VWC2: variants seen among roughly 807,000 people sequenced by gnomAD.
VWC2 encodes brorin.
A neutral mutation model predicts 29.8 loss-of-function variants in VWC2; 14 were observed. The observed-to-expected ratio is 0.47, with a 90% CI of 0.31 to 0.74. VWC2 has a LOEUF of 0.74. Among genes scored for constraint, VWC2 ranks in the 30% least tolerant of loss-of-function variants. The pLI, the probability that VWC2 is intolerant of heterozygous loss-of-function variation, is 0.05. For synonymous variants in VWC2, 213 were observed against 199.0 expected, an observed-to-expected ratio of 1.07 and a Z score of -0.59; for missense variants, 457 against 459.8, an observed-to-expected ratio of 0.99 and a Z score of 0.05.
chr7:49,853,898 T>C (rs1473783208), intron 3 of VWC2, among the ~76,000 whole-genome samples: 1 of 131,002 alleles, frequency 7.6e-6, no homozygotes, highest in Non-Finnish European at 1.5e-5. Flanking sequence ...CGGTGTGTGA[T>C]GTTCCCCTTC....
intron 3 of VWC2, among the ~76,000 whole-genome samples, chr7:49,882,316 TG>T (rs1409874941): frequency 3.3e-5 from 5 of 152,164 alleles, no homozygotes; most frequent in African/African-American, 1.2e-4. Context: ...CACTTTATAA[TG>T]TTAGCACATG....
chr7:49,917,823 G>C lies in VWC2; in HGVS notation c.*5638G>C, dbSNP rs1381051248. The C allele has an allele frequency of 6.6e-6, 1 of 151,778 alleles. No homozygotes were observed. The highest frequency in any genetic ancestry group is 1.9e-4 in the East Asian group (1 of 5,188). The allele number at this position is 151,778 out of a possible 1,614,324, so 9.4% of individuals were successfully genotyped here. On this transcript the variant is annotated 3_prime_UTR_variant, in exon 4 of 4. Transcript: ENST00000340652. ...TGTAATTTATGTTTTAGAAAGAACTGTTTCCAAACACATTTTATGGAAAGA... is the reference window on the plus strand; with the variant it reads ...TGTAATTTATGTTTTAGAAAGAACTCTTTCCAAACACATTTTATGGAAAGA...
At chr7:49,891,680 G>A (rs1020218331) in intron 3 of VWC2, among the ~76,000 whole-genome samples, 2 of 152,120 alleles carry the variant, frequency 1.3e-5, no homozygotes, top group African/African-American at 2.4e-5. Flanking sequence ...TACTGATTCT[G>A]ATGTAATCAC....
At chr7:49,877,476 A>AT (rs2128725589) in intron 3 of VWC2, among the ~76,000 whole-genome samples, 1 of 43,892 alleles carries the variant, frequency 2.3e-5, no homozygotes, top group African/African-American at 1.1e-4. Context: ...AAAAAAAAAA[A>AT]AAAAAATATA....
rs189152145 is a variant in VWC2, at chr7:49,897,238, A to C, written c.827-14796A>C. 6.6e-5 allele frequency among the ~76,000 whole-genome samples: 10 copies of C among 152,322 alleles called. No homozygotes were observed. In the East Asian group the frequency reaches 1.7e-3, roughly 26 times the overall value. ...AAACTCAAACTCAATAGTAATACCA[A>C]ACATTGAAAGAAGAATTAATTAGTA... is the stretch of plus-strand genomic sequence containing the variant. On this transcript the variant is annotated intron_variant, in intron 3 of 3. Coordinates refer to ENST00000340652, the MANE Select transcript of VWC2 (RefSeq NM_198570.5).
intron 2 of VWC2, 72 bp downstream of exon 2, chr7:49,776,203 C>G (rs1032212398): frequency 5.3e-6 from 7 of 1,319,880 alleles, no homozygotes; most frequent in Non-Finnish European, 7.1e-6. Flanking sequence ...GTTCTGTGGT[C>G]CCCCACTTTG....
chr7:49,921,788 C>G lies in VWC2; in HGVS notation c.*9603C>G, dbSNP rs564734460. The G allele has an allele frequency of 2.0e-5, 3 of 152,148 alleles. No homozygotes were observed. The highest frequency in any genetic ancestry group is 7.2e-5 in the African/African-American group (3 of 41,522). 9.4% of individuals were successfully genotyped at this position (152,148 alleles called of 1,614,324 possible). On this transcript the variant is annotated 3_prime_UTR_variant, in exon 4 of 4. Transcript: ENST00000340652. ...TACATTTAACACATATAATTTATAT[C>G]TTAGTTTTTATCCCATTTATATATA...
intron 2 of VWC2, among the ~76,000 whole-genome samples, chr7:49,795,979 G>A (rs1342557599): frequency 6.6e-6 from 1 of 152,084 alleles, no homozygotes; most frequent in East Asian, 1.9e-4. Context: ...AGGAAGGGAG[G>A]GATTGGTAGA....
intron 3 of VWC2, among the ~76,000 whole-genome samples, chr7:49,893,894 T>C (rs1039517392): frequency 3.3e-5 from 5 of 152,138 alleles, no homozygotes; most frequent in African/African-American, 1.2e-4. Context: ...TTTCAGAAAA[T>C]GGAAAAAAAT....
chr7:49,843,631 T>A (rs573382123), intron 3 of VWC2, among the ~76,000 whole-genome samples: 2 of 152,300 alleles, frequency 1.3e-5, no homozygotes, highest in East Asian at 3.9e-4. Flanking sequence ...GTCCACAACG[T>A]AGGTAAAGAT....
At chr7:49,853,980 C>T (rs769923) in intron 3 of VWC2, among the ~76,000 whole-genome samples, 14,539 of 151,340 alleles carry the variant, frequency 0.096, 2,022 homozygotes, top group African/African-American at 0.31. Context: ...TTTTCTGTCC[C>T]TGCGATAGTT....
At chr7:49,806,020 G>A (rs2128706527) in intron 3 of VWC2, among the ~76,000 whole-genome samples, 1 of 152,320 alleles carries the variant, frequency 6.6e-6, no homozygotes, top group African/African-American at 2.4e-5. Flanking sequence ...TCACTTTGTT[G>A]ACTTGTGCAG....
At chr7:49,794,260 C>T (rs546454311) in intron 2 of VWC2, among the ~76,000 whole-genome samples, 2 of 152,182 alleles carry the variant, frequency 1.3e-5, no homozygotes, top group East Asian at 1.9e-4. Context: ...TCATGCAGCT[C>T]GAATGTGCAT....
chr7:49,890,407 CATAT>C (rs1243537663), intron 3 of VWC2, among the ~76,000 whole-genome samples: 1 of 152,142 alleles, frequency 6.6e-6, no homozygotes, highest in Non-Finnish European at 1.5e-5. Context: ...GAAAGGAATG[CATAT>C]ATAAGATTGC....
At position 49,920,850 on chromosome 7, in the gene VWC2, A is replaced by G. The variant is rs1298516519; in HGVS notation, c.*8665A>G. The stretch of plus-strand genomic sequence containing the variant: ...GTGATGCTTTACAAGGTACCTGATG[A>G]ATGTAAAATTATAGCTTTTTGTCTT... On this transcript the variant is annotated 3_prime_UTR_variant, in exon 4 of 4. Coordinates refer to ENST00000340652, the MANE Select transcript of VWC2 (RefSeq NM_198570.5). 2 of 152,228 alleles carry G rather than the reference A, an allele frequency of 1.3e-5. No homozygotes were observed. Among genetic ancestry groups the G allele is most frequent in the Admixed American group, 1.3e-4 (2 of 15,276 alleles). 9.4% of individuals were successfully genotyped at this position (152,228 alleles called of 1,614,324 possible).
intron 3 of VWC2, among the ~76,000 whole-genome samples, chr7:49,873,898 T>C (rs1182556054): frequency 1.0e-5 from 1 of 98,720 alleles, no homozygotes; most frequent in Non-Finnish European, 2.1e-5. Flanking sequence ...TCAAAACATA[T>C]AATTAAGTAA....
intron 3 of VWC2, among the ~76,000 whole-genome samples, chr7:49,849,764 G>C (rs1415038636): frequency 1.3e-5 from 2 of 152,200 alleles, no homozygotes; most frequent in African/African-American, 2.4e-5. Flanking sequence ...TCTGCTCTCT[G>C]AGAGTCTGAC....
chr7:49,920,749 A>T lies in VWC2; in HGVS notation c.*8564A>T, dbSNP rs1793982828. ...TTTGAATTGTTTAAAATAATTTTAA[A>T]TACTTATTCCATAAACTCAGTATTT... On this transcript the variant is annotated 3_prime_UTR_variant, in exon 4 of 4. Transcript: ENST00000340652. 1 of 152,288 alleles carries T rather than the reference A, an allele frequency of 6.6e-6. No homozygotes were observed. Among genetic ancestry groups the T allele is most frequent in the African/African-American group, 2.4e-5 (1 of 41,552 alleles). 9.4% of individuals were successfully genotyped at this position (152,288 alleles called of 1,614,324 possible). A position where few individuals can be genotyped will look rare whatever the true frequency, so the allele number is the denominator to read the frequency against.
At chr7:49,802,002 T>A (rs372467395) in intron 2 of VWC2, among the ~76,000 whole-genome samples, 2 of 152,290 alleles carry the variant, frequency 1.3e-5, no homozygotes, top group African/African-American at 4.8e-5. Flanking sequence ...GTCTGGGTGG[T>A]GACTTGACAG....
Sources: gnomAD v4.1 joint callset for allele counts (sites outside exome capture counted in the v4.1 genomes callset) on GRCh38, gnomAD v4.1.1 for gene constraint, MANE v1.5 for transcripts, NCBI Gene and HGNC (gene_info 2026-07-23, HGNC 2026-07-21) for gene names.